SGPP2: variants seen among roughly 807,000 people sequenced by gnomAD.
The protein encoded by SGPP2 is sphingosine-1-phosphate phosphatase 2.
SGPP2 carries 30 observed loss-of-function variants against 33.9 expected under a neutral mutation model. That is an observed-to-expected ratio of 0.89 (90% confidence interval 0.66 to 1.20). The LOEUF (loss-of-function observed/expected upper bound fraction) is 1.20, where lower values mean the gene tolerates loss of function less well. Ranked by LOEUF, SGPP2 falls within the 50% of genes most tolerant of loss-of-function variation. The pLI, the probability that SGPP2 is intolerant of heterozygous loss-of-function variation, is 0.00. For synonymous variants in SGPP2, 233 were observed against 225.0 expected (o/e 1.04, Z -0.32); for missense variants, 458 against 532.1 (o/e 0.86, Z 1.37).
At position 222,562,387 on chromosome 2, in the gene SGPP2, G is replaced by A. The variant is rs1292941675; in HGVS notation, c.*3489G>A. On this transcript the variant is annotated 3_prime_UTR_variant, in exon 5 of 5. Transcript: ENST00000321276. Reference sequence around the variant, plus strand: ...AATTAAAAACACTTACATAGCAGTGGCTGGAATTACTCCAAAACGTGCCCA... The same window carrying A: ...AATTAAAAACACTTACATAGCAGTGACTGGAATTACTCCAAAACGTGCCCA... Among the ~76,000 whole-genome samples the A allele has an allele frequency of 6.6e-6, 1 of 151,998 alleles. No homozygotes were observed. Among genetic ancestry groups the A allele is most frequent in the African/African-American group, 2.4e-5 (1 of 41,292 alleles).
chr2:222,496,220 A>T (rs1698278080), intron 2 of SGPP2, among the ~76,000 whole-genome samples: 1 of 152,238 alleles, frequency 6.6e-6, no homozygotes, highest in African/African-American at 2.4e-5. Context: ...GTCTGTTAAC[A>T]CACGACAACA....
At chr2:222,453,129 G>A in intron 1 of SGPP2, 3 of 640,692 alleles carry the variant, frequency 4.7e-6, no homozygotes, top group Non-Finnish European at 8.4e-6. Context: ...CAGATCCATG[G>A]AGGAAGGAAG....
intron 1 of SGPP2, among the ~76,000 whole-genome samples, chr2:222,463,013 C>A (rs996238038): frequency 1.3e-5 from 2 of 152,222 alleles, no homozygotes. Flanking sequence ...TGGCTTTAAA[C>A]TTCCTCAGCG....
intron 1 of SGPP2, among the ~76,000 whole-genome samples, chr2:222,428,768 A>G (rs895866759): frequency 2.7e-5 from 4 of 148,810 alleles, no homozygotes; most frequent in East Asian, 2.0e-4. Flanking sequence ...AGAGTGGGGG[A>G]AAAAAAACAT....
intron 1 of SGPP2, among the ~76,000 whole-genome samples, chr2:222,444,574 C>A (rs938148519): frequency 6.6e-6 from 1 of 152,184 alleles, no homozygotes; most frequent in African/African-American, 2.4e-5. Flanking sequence ...TTGGTGGAGA[C>A]AGGTAAACAG....
rs80034209 is a variant in SGPP2 at position 222,527,008 on chromosome 2, G to A, written c.648+1975G>A. Among the ~76,000 whole-genome samples the A allele has an allele frequency of 9.2e-3, 1,403 of 152,252 alleles. 8 individuals are homozygous for A. The highest frequency in any genetic ancestry group is 0.015 in the Non-Finnish European group (998 of 68,022). On this transcript the variant is annotated intron_variant, in intron 4 of 4. Transcript: ENST00000321276. ...GTAAAATTTAAAAAAGAATGATCTC[G>A]AGAACTCGGGTTAAAGTTAAAATGA...
intron 2 of SGPP2, among the ~76,000 whole-genome samples, chr2:222,518,415 T>G (rs960347145): frequency 3.3e-5 from 5 of 152,232 alleles, no homozygotes; most frequent in African/African-American, 1.2e-4. Context: ...TTAAGTATTT[T>G]TTTACCCTTA....
chr2:222,537,104 A>C (rs1337820087), intron 4 of SGPP2, among the ~76,000 whole-genome samples: 1 of 152,246 alleles, frequency 6.6e-6, no homozygotes, highest in Non-Finnish European at 1.5e-5. Context: ...GTCAGGGGCA[A>C]ACTGTGTGCC....
At chr2:222,552,729 G>A (rs1339606518) in intron 4 of SGPP2, among the ~76,000 whole-genome samples, 1 of 152,104 alleles carries the variant, frequency 6.6e-6, no homozygotes, top group Non-Finnish European at 1.5e-5. Flanking sequence ...GCATGGTGGT[G>A]CATGCCTGAA....
intron 4 of SGPP2, among the ~76,000 whole-genome samples, chr2:222,535,820 G>A (rs1698906451): frequency 6.6e-6 from 1 of 152,214 alleles, no homozygotes; most frequent in Non-Finnish European, 1.5e-5. Context: ...CAGCCAAATG[G>A]GCTAAGACTC....
chr2:222,555,895 C>A (rs1689389284), intron 4 of SGPP2, among the ~76,000 whole-genome samples: 1 of 152,164 alleles, frequency 6.6e-6, no homozygotes, highest in Middle Eastern at 3.2e-3. Flanking sequence ...AATAACAGTC[C>A]TGCAGTTCAT....
intron 2 of SGPP2, among the ~76,000 whole-genome samples, chr2:222,515,688 A>G (rs1192048902): frequency 1.3e-5 from 2 of 152,154 alleles, no homozygotes; most frequent in Non-Finnish European, 2.9e-5. Context: ...TCACCCATTT[A>G]AAGCATGTAA....
intron 1 of SGPP2, among the ~76,000 whole-genome samples, chr2:222,462,176 C>T (rs1196602932): frequency 3.9e-5 from 6 of 151,960 alleles, no homozygotes; most frequent in Non-Finnish European, 8.8e-5. Context: ...ATCGTAAGGC[C>T]AAGAAACTCA....
At position 222,562,433 on chromosome 2, in the gene SGPP2, G is replaced by C. The variant is rs1689564424; in HGVS notation, c.*3535G>C. Among the ~76,000 whole-genome samples, 1 of 152,170 alleles carries C rather than the reference G, an allele frequency of 6.6e-6. No homozygotes were observed. On this transcript the variant is annotated 3_prime_UTR_variant, in exon 5 of 5. Transcript: ENST00000321276. ...GCCCAGTGATCGCACTGTAACATGG[G>C]ATTTTCTCACCCAAATAGGCAACTC...
chr2:222,513,566 G>C (rs1698561401), intron 2 of SGPP2, among the ~76,000 whole-genome samples: 1 of 152,058 alleles, frequency 6.6e-6, no homozygotes, highest in African/African-American at 2.4e-5. Flanking sequence ...TTGCTGTTTT[G>C]GGAAAAATGG....
chr2:222,520,938 T>C (rs1412162764), intron 2 of SGPP2, among the ~76,000 whole-genome samples: 1 of 151,968 alleles, frequency 6.6e-6, no homozygotes, highest in East Asian at 1.9e-4. Flanking sequence ...TTTAAAATTT[T>C]TTGTAGAGAC....
intron 1 of SGPP2, among the ~76,000 whole-genome samples, chr2:222,462,999 C>T (rs1046267844): frequency 2.6e-5 from 4 of 152,146 alleles, no homozygotes; most frequent in South Asian, 2.1e-4. Context: ...ATTTTTGTGA[C>T]GAATGGCTTT....
chr2:222,429,394 A>G (rs1697119087), intron 1 of SGPP2, among the ~76,000 whole-genome samples: 1 of 152,218 alleles, frequency 6.6e-6, no homozygotes. Flanking sequence ...TCAGACTGCA[A>G]GTTTTTATTA....
chr2:222,533,789 ATT>A (rs113490942), intron 4 of SGPP2, among the ~76,000 whole-genome samples: 1 of 107,554 alleles, frequency 9.3e-6, no homozygotes, highest in African/African-American at 2.7e-5. Flanking sequence ...GGCTTCATTT[ATT>A]TTTTTTTTTT....
Sources: gnomAD v4.1 joint callset for allele counts (sites outside exome capture counted in the v4.1 genomes callset) on GRCh38, gnomAD v4.1.1 for gene constraint, MANE v1.5 for transcripts, NCBI Gene and HGNC (gene_info 2026-07-23, HGNC 2026-07-21) for gene names.